RPRD1A: variants seen among roughly 807,000 people sequenced by gnomAD.
The protein encoded by RPRD1A is regulation of nuclear pre-mRNA domain-containing protein 1A.
In RPRD1A, 9 loss-of-function variants were observed where a neutral mutation model predicts 37.8. That is an observed-to-expected ratio of 0.24 (90% confidence interval 0.14 to 0.42). The LOEUF is 0.42. RPRD1A is among the 10% of genes least tolerant of loss of function. RPRD1A has a pLI of 1.00. For synonymous variants in RPRD1A, 138 were observed against 139.7 expected, an observed-to-expected ratio of 0.99 and a Z score of 0.08; for missense variants, 255 against 371.0, an observed-to-expected ratio of 0.69 and a Z score of 2.57.
intron 6 of RPRD1A, among the ~76,000 whole-genome samples, chr18:36,012,764 G>T (rs1020325376): frequency 6.6e-6 from 1 of 152,144 alleles, no homozygotes; most frequent in African/African-American, 2.4e-5. Context: ...ATAAGCAGGG[G>T]ACTACTGCAT....
chr18:36,011,303 C>A (rs1313318747), intron 6 of RPRD1A, among the ~76,000 whole-genome samples: 2 of 152,314 alleles, frequency 1.3e-5, no homozygotes, highest in East Asian at 3.8e-4. Context: ...TTAGGTAATA[C>A]TGCTCCAGAG....
Position 36,008,571 on chromosome 18 carries a change from G to GTATA in RPRD1A, c.790-15272_790-15271insTATA, listed in dbSNP as rs1359543093. On this transcript the variant is annotated intron_variant, in intron 6 of 6. Transcript: ENST00000399022. The stretch of plus-strand genomic sequence containing the variant: ...AGCCTGGGCGACACAGCAAGACCTT[G>GTATA]TGTGTGTATATATATATATCTTTAA... Among the ~76,000 whole-genome samples the GTATA allele has an allele frequency of 7.5e-4, 21 of 27,938 alleles. 1 individual carries two copies. The highest frequency in any genetic ancestry group is 2.7e-3 in the African/African-American group (16 of 5,834). The allele number at this position is 27,938 out of a possible 152,430, so 18.3% of individuals were successfully genotyped here. A position where few individuals can be genotyped will look rare whatever the true frequency, so the allele number is the denominator to read the frequency against.
intron 1 of RPRD1A, among the ~76,000 whole-genome samples, chr18:36,047,318 T>C (rs1009298745): frequency 5.9e-5 from 9 of 152,078 alleles, no homozygotes; most frequent in African/African-American, 1.9e-4. Flanking sequence ...CTGTGGGGCA[T>C]AGCTAAAGCA....
At chr18:36,055,716 A>G (rs934325604) in intron 1 of RPRD1A, among the ~76,000 whole-genome samples, 6 of 152,226 alleles carry the variant, frequency 3.9e-5, no homozygotes, top group African/African-American at 1.4e-4. Context: ...ATAGAGAAAC[A>G]AAATAAGAAT....
intron 1 of RPRD1A, among the ~76,000 whole-genome samples, chr18:36,055,739 T>C (rs1432520145): frequency 6.6e-6 from 1 of 151,970 alleles, no homozygotes; most frequent in Non-Finnish European, 1.5e-5. Flanking sequence ...ACAAGAAAAC[T>C]CTGAAACAGG....
intron 6 of RPRD1A, among the ~76,000 whole-genome samples, chr18:36,020,052 G>A (rs1459581388): frequency 6.6e-6 from 1 of 152,124 alleles, no homozygotes; most frequent in African/African-American, 2.4e-5. Context: ...AGAATGGAAG[G>A]GGAAGGAAAG....
chr18:36,057,785 G>A (rs1288320206), intron 1 of RPRD1A, among the ~76,000 whole-genome samples: 1 of 152,170 alleles, frequency 6.6e-6, no homozygotes, highest in East Asian at 1.9e-4. Context: ...TCTTGGTACA[G>A]CTCCTAGTAA....
At chr18:36,059,082 T>C (rs1327048596) in intron 1 of RPRD1A, among the ~76,000 whole-genome samples, 1 of 152,192 alleles carries the variant, frequency 6.6e-6, no homozygotes, top group Non-Finnish European at 1.5e-5. Flanking sequence ...TAGACCAACA[T>C]ATACATCTAT....
chr18:36,022,635 CTGAG>C (rs1342373570), intron 6 of RPRD1A, among the ~76,000 whole-genome samples: 2 of 152,172 alleles, frequency 1.3e-5, no homozygotes, highest in Non-Finnish European at 1.5e-5. Context: ...GCATAGTTTA[CTGAG>C]TATTTTAAGC....
chr18:36,005,713 ATAGAG>A (rs781062712), intron 6 of RPRD1A, among the ~76,000 whole-genome samples: 60 of 152,366 alleles, frequency 3.9e-4, no homozygotes, highest in Middle Eastern at 6.8e-3. Flanking sequence ...ATTCAAGTTC[ATAGAG>A]TAACTTCTAG....
rs576181966 is a variant in RPRD1A at position 36,014,608 on chromosome 18, T to G, written c.789+12292A>C. 4.2e-4 allele frequency among the ~76,000 whole-genome samples: 64 copies of G among 152,240 alleles called. No individual in the cohort carries two copies. In the South Asian group the frequency reaches 5.0e-3, roughly 12 times the overall value. On this transcript the variant is annotated intron_variant, in intron 6 of 6. Transcript: ENST00000399022. The stretch of plus-strand genomic sequence containing the variant: ...ACAAAAAACAATTAGCCGGGTGTGG[T>G]GGCGGGCGCCTATAGTCCCAGCTAC...
rs1908795863 is a variant in RPRD1A at position 35,992,932 on chromosome 18, T to C, written c.*219A>G. ...AAAATAATCACTATTTGTGAGCTTA[T>C]TAATACACACAAATCATCACTTTGT... On this transcript the variant is annotated 3_prime_UTR_variant, in exon 7 of 7. Coordinates refer to ENST00000399022, the MANE Select transcript of RPRD1A (RefSeq NM_018170.5). 1 of 390,780 alleles carries C rather than the reference T, an allele frequency of 2.6e-6. No individual in the cohort carries two copies. The highest frequency in any genetic ancestry group is 4.5e-5 in the Admixed American group (1 of 22,440). The allele number at this position is 390,780 out of a possible 1,614,324, so 24.2% of individuals were successfully genotyped here.
chr18:36,044,982 A>G (rs1364877574), intron 1 of RPRD1A, among the ~76,000 whole-genome samples: 5 of 152,138 alleles, frequency 3.3e-5, no homozygotes, highest in Admixed American at 2.0e-4. Context: ...GCTCATGCCT[A>G]TAATCACAGC....
intron 1 of RPRD1A, among the ~76,000 whole-genome samples, chr18:36,051,147 T>A (rs1913361255): frequency 6.6e-6 from 1 of 152,152 alleles, no homozygotes; most frequent in South Asian, 2.1e-4. Context: ...TGATTACTAG[T>A]ACAGTTTGCC....
At chr18:36,016,500 G>A (rs1440575246) in intron 6 of RPRD1A, among the ~76,000 whole-genome samples, 2 of 152,186 alleles carry the variant, frequency 1.3e-5, no homozygotes, top group African/African-American at 4.8e-5. Flanking sequence ...TGGGATTACA[G>A]GCATGAGCCA....
chr18:36,006,551 T>C (rs1380329686), intron 6 of RPRD1A, among the ~76,000 whole-genome samples: 1 of 152,130 alleles, frequency 6.6e-6, no homozygotes, highest in South Asian at 2.1e-4. Context: ...CCGCAGTGTA[T>C]AGAAATGTTT....
At chr18:36,008,595 A>ATATATATATATAT (rs1343314993) in intron 6 of RPRD1A, among the ~76,000 whole-genome samples, 5 of 138,110 alleles carry the variant, frequency 3.6e-5, no homozygotes, top group African/African-American at 8.4e-5. Context: ...ATATATCTTT[A>ATATATATATATAT]AAAATCTCTC....
At chr18:36,026,779 T>C in intron 6 of RPRD1A, 121 bp downstream of exon 6, 1 of 723,992 alleles carries the variant, frequency 1.4e-6, no homozygotes, top group Non-Finnish European at 2.1e-6. Flanking sequence ...TTACCTGGGC[T>C]ACTGCTTAAA....
At chr18:36,006,480 G>C (rs2144181294) in intron 6 of RPRD1A, among the ~76,000 whole-genome samples, 1 of 152,348 alleles carries the variant, frequency 6.6e-6, no homozygotes, top group East Asian at 1.9e-4. Flanking sequence ...ACAGGCATGA[G>C]CCACTGTGCT....
Sources: allele counts gnomAD v4.1 joint callset (sites outside exome capture counted in the v4.1 genomes callset), GRCh38; gene constraint gnomAD v4.1.1; transcripts MANE v1.5; gene names NCBI Gene and HGNC (gene_info 2026-07-23, HGNC 2026-07-21).